DDX51: variants seen among roughly 807,000 people sequenced by gnomAD.
DDX51 encodes DEAD-box helicase 51, also known as ATP-dependent RNA helicase DDX51.
A neutral mutation model predicts 74.6 loss-of-function variants in DDX51; 67 were observed. That is an observed-to-expected ratio of 0.90 (90% confidence interval 0.74 to 1.10). DDX51 has a LOEUF of 1.10. Among genes scored for constraint, DDX51 ranks in the 50% least tolerant of loss-of-function variants. DDX51 has a pLI of 0.00. For missense variants in DDX51, 1,056 were observed against 905.2 expected (o/e 1.17, Z -2.14); for synonymous variants, 545 against 402.9 (o/e 1.35, Z -4.22).
chr12:132,143,286 G>A (rs1215673548), intron 2 of DDX51: 3 of 406,138 alleles, frequency 7.4e-6, no homozygotes, highest in Non-Finnish European at 1.3e-5. Flanking sequence ...AGGTGCCCGA[G>A]CACTCTGTCA....
At chr12:132,142,963 A>G in intron 2 of DDX51, 85 bp from the exon 3 acceptor site, 1 of 1,582,496 alleles carries the variant, frequency 6.3e-7, no homozygotes, top group Admixed American at 1.7e-5. Context: ...TAGGGGAGGG[A>G]GGCTGGGGAA....
At position 132,140,429 on chromosome 12, in the gene DDX51, A is replaced by G; in HGVS notation, c.1667T>C (p.Ile556Thr). Residue 556 changes from isoleucine to threonine, a missense_variant, in exon 11 of 15, where the codon ATC (isoleucine) becomes ACC (threonine). Transcript: ENST00000397333. ...MILKQFEQGK[I>T]QLLISTDATA... is the part of the protein sequence containing the mutation. ...CCCCTGCCCAGGAACTCACAGCTGG[A>G]TCTTCCCCTGTTCAAACTGCTTCAG... 1.2e-6 allele frequency: 2 copies of G among 1,613,184 alleles called. No individual in the cohort carries two copies. Among genetic ancestry groups the G allele is most frequent in the Non-Finnish European group, 1.7e-6 (2 of 1,180,002 alleles).
At position 132,139,480 on chromosome 12, in the gene DDX51, C is replaced by G. The variant is rs370901446; in HGVS notation, c.1974+155G>C. 1.5e-4 allele frequency: 229 copies of G among 1,537,062 alleles called. No individual in the cohort carries two copies. In the East Asian group the frequency reaches 4.8e-3, roughly 32 times the overall value. Reference sequence around the variant, plus strand: ...TTCCACCACTGGTGCCCAGGGGCTCCCCGCCCTTGGGCCAGAAGCTCGAGG... The same window carrying G: ...TTCCACCACTGGTGCCCAGGGGCTCGCCGCCCTTGGGCCAGAAGCTCGAGG... On this transcript the variant is annotated intron_variant, in intron 14 of 14. Transcript: ENST00000397333.
chr12:132,142,678 T>G (rs1368633367), intron 3 of DDX51, 50 bp downstream of exon 3: 1 of 1,602,496 alleles, frequency 6.2e-7, no homozygotes, highest in Admixed American at 1.7e-5. Flanking sequence ...GCCTTGTGTG[T>G]GGGTGCCCAG....
rs1190048311 is a variant in DDX51 at position 132,142,840 on chromosome 12, G to A, written c.558C>T (p.Asn186=). The A allele has an allele frequency of 1.2e-6, 2 of 1,612,012 alleles. No individual in the cohort carries two copies. Among genetic ancestry groups the A allele is most frequent in the African/African-American group, 1.3e-5 (1 of 74,942 alleles). ...CTTCGGTGACATTCCTTCTGACACA[G>A]TTAGGCTCAGCCAGCCACCTTGGCA... ...PFLPRWLAEP[N]CVRRNVTEDL... The change falls in exon 3 of 15, where the codon AAC becomes AAT. Residue 186 remains asparagine (N), a synonymous_variant. Coordinates refer to ENST00000397333, the MANE Select transcript of DDX51 (RefSeq NM_175066.4).
intron 1 of DDX51, 28 bp downstream of exon 1, chr12:132,143,965 G>A (rs1422009413): frequency 2.1e-6 from 3 of 1,446,270 alleles, no homozygotes; most frequent in Non-Finnish European, 2.7e-6. Context: ...CGGCGCCCCA[G>A]AGGGAGCCCG....
rs773766700 is a variant in DDX51 at position 132,141,539 on chromosome 12, C to A, written c.1063G>T (p.Asp355Tyr). ...TGGAGGCTGAATCCTGGGGTCTGGTCGATGTGGTCCACCAGGCGGCCGGGG... is the reference window on the plus strand; with the variant it reads ...TGGAGGCTGAATCCTGGGGTCTGGTAGATGTGGTCCACCAGGCGGCCGGGG... ...ATPGRLVDHI[D>Y]QTPGFSLQQL... The change falls in exon 7 of 15, where the codon GAC becomes TAC. Residue 355 changes from aspartate to tyrosine, a missense_variant. Transcript: ENST00000397333. 6.2e-6 allele frequency: 10 copies of A among 1,603,724 alleles called. No individual in the cohort carries two copies. The highest frequency in any genetic ancestry group is 4.0e-5 in the African/African-American group (3 of 74,842).
chr12:132,140,597 C>T, intron 10 of DDX51, 23 bp downstream of exon 10: 2 of 1,612,520 alleles, frequency 1.2e-6, no homozygotes, highest in Non-Finnish European at 1.7e-6. Context: ...ACCTCTGCCA[C>T]CCCCGCCCAG....
chr12:132,140,266 G>A, intron 11 of DDX51, 67 bp from the exon 12 acceptor site: 1 of 1,576,202 alleles, frequency 6.3e-7, no homozygotes, highest in Non-Finnish European at 8.6e-7. Context: ...CACCGGCCCT[G>A]CGGGGGGCAG....
intron 14 of DDX51, 143 bp from the exon 15 acceptor site, chr12:132,139,441 CT>C (rs1322617494): frequency 1.3e-6 from 2 of 1,517,366 alleles, no homozygotes; most frequent in Admixed American, 3.6e-5. Flanking sequence ...ACAGCCCTCC[CT>C]GGTGCCACGT....
chr12:132,142,259 G>A lies in DDX51; in HGVS notation c.816+18C>T, dbSNP rs1235642297. 12 of 1,611,596 alleles carry A rather than the reference G, an allele frequency of 7.4e-6. No homozygotes were observed. The highest frequency in any genetic ancestry group is 1.0e-5 in the Non-Finnish European group (12 of 1,179,060). ...CCTCTGCACACCCGCTGTAGAGAAAGGGGACCCTCACACAGACCTGCACCA... is the reference window on the plus strand; with the variant it reads ...CCTCTGCACACCCGCTGTAGAGAAAAGGGACCCTCACACAGACCTGCACCA... On this transcript the variant is annotated intron_variant, in intron 4 of 14. Transcript: ENST00000397333.
At position 132,141,822 on chromosome 12, in the gene DDX51, G is replaced by A. The variant is rs758154765; in HGVS notation, c.995+28C>T. The stretch of plus-strand genomic sequence containing the variant: ...CTGCAGGGCTGAGCAGGGACCCCCT[G>A]AAAAACCCGCACCCTGACACAACCT... On this transcript the variant is annotated intron_variant, in intron 6 of 14. Transcript: ENST00000397333. 65 of 1,610,888 alleles carry A rather than the reference G, an allele frequency of 4.0e-5. No individual in the cohort carries two copies. The South Asian group carries it at 6.2e-4, about 15-fold the overall frequency.
At chr12:132,139,434 G>A in intron 14 of DDX51, 136 bp from the exon 15 acceptor site, 2 of 1,516,770 alleles carry the variant, frequency 1.3e-6, no homozygotes. Flanking sequence ...CCCGCTGACA[G>A]CCCTCCCTGG....
At chr12:132,139,362 G>T in intron 14 of DDX51, 64 bp from the exon 15 acceptor site, 1 of 1,584,048 alleles carries the variant, frequency 6.3e-7, no homozygotes, top group East Asian at 2.3e-5. Flanking sequence ...GTGGGGCCCC[G>T]GGCTCTGCCC....
rs539689758 is a variant in DDX51 at position 132,141,331 on chromosome 12, G to A, written c.1194C>T (p.Pro398=). 1.4e-5 allele frequency: 23 copies of A among 1,598,794 alleles called. No homozygotes were observed. Among genetic ancestry groups the A allele is most frequent in the Admixed American group, 5.0e-5 (3 of 59,976 alleles). Residue 398 remains proline (P), a synonymous_variant, in exon 8 of 15, where the codon CCC becomes CCT. Coordinates refer to ENST00000397333, the MANE Select transcript of DDX51 (RefSeq NM_175066.4). ...VVAAAFQSED[P]ADPCALLQRR... ...GCTGGAGCAGGGCACAGGGGTCCGC[G>A]GGGTCCTCGCTCTGGAAGGCGGCCG...
chr12:132,140,379 GCACC>G, intron 11 of DDX51, 40 bp downstream of exon 11: 1 of 1,605,256 alleles, frequency 6.2e-7, no homozygotes, highest in Non-Finnish European at 8.5e-7. Flanking sequence ...CCTGGAGTGG[GCACC>G]CCCACCCCAC....
chr12:132,142,715 G>C lies in DDX51; in HGVS notation c.670+13C>G. On this transcript the variant is annotated intron_variant, in intron 3 of 14. Coordinates refer to ENST00000397333, the MANE Select transcript of DDX51 (RefSeq NM_175066.4). Reference sequence around the variant, plus strand: ...GAGGTGTTCCCTCAGCTGCCTGCCCGGGGCTGGGGCACCTGGAAAGTAGGA... The same window carrying C: ...GAGGTGTTCCCTCAGCTGCCTGCCCCGGGCTGGGGCACCTGGAAAGTAGGA... 3.1e-6 allele frequency: 5 copies of C among 1,611,946 alleles called. No individual in the cohort carries two copies. The highest frequency in any genetic ancestry group is 4.2e-6 in the Non-Finnish European group (5 of 1,179,842).
Position 132,141,292 on chromosome 12 carries a change from C to G in DDX51, c.1233G>C (p.Gln411His), listed in dbSNP as rs747978340. ...CTGGATACCTGGCGGCTGTCACAGC[C>G]TGGGCCTGCCTTCGCTGGAGCAGGG... ...PCALLQRRQAQAVTAASTCCP... is the reference protein window; with the variant it reads ...PCALLQRRQAHAVTAASTCCP... The change falls in exon 8 of 15, where the codon CAG becomes CAC. Residue 411 changes from glutamine to histidine, a missense_variant. By Grantham distance (24) the Gln-to-His change is conservative. Transcript: ENST00000397333. 1.3e-6 allele frequency: 2 copies of G among 1,596,014 alleles called. No homozygotes were observed. Among genetic ancestry groups the G allele is most frequent in the East Asian group, 4.5e-5 (2 of 44,794 alleles).
At chr12:132,139,544 CT>C (rs762139842) in intron 14 of DDX51, 90 bp downstream of exon 14, 1 of 1,609,988 alleles carries the variant, frequency 6.2e-7, no homozygotes, top group East Asian at 2.2e-5. Flanking sequence ...TCGCTTTCCT[CT>C]TTTTCCCTCT....
Sources: gnomAD v4.1 joint callset for allele counts on GRCh38, gnomAD v4.1.1 for gene constraint, MANE v1.5 for transcripts, NCBI Gene and HGNC (gene_info 2026-07-23, HGNC 2026-07-21) for gene names.